The following EPHA4 variants were observed in gnomAD, a reference collection of about 807,000 sequenced individuals.
EPHA4 encodes the protein ephrin type-A receptor 4.
A neutral mutation model predicts 108.3 loss-of-function variants in EPHA4; 19 were observed. The observed-to-expected ratio is 0.18, with a 90% confidence interval of 0.12 to 0.26. The LOEUF is 0.26. Among genes scored for constraint, EPHA4 ranks in the 10% least tolerant of loss-of-function variants. The pLI is 1.00. For synonymous variants in EPHA4, 449 were observed against 455.5 expected, an observed-to-expected ratio of 0.99 and a Z score of 0.18; for missense variants, 917 against 1,254.0, an observed-to-expected ratio of 0.73 and a Z score of 4.06.
chr2:221,568,749 A>C lies in EPHA4; in HGVS notation c.128T>G (p.Leu43Arg). 1.9e-6 allele frequency: 3 copies of C among 1,613,990 alleles called. No individual in the cohort carries two copies. The highest frequency in any genetic ancestry group is 2.5e-6 in the Non-Finnish European group (3 of 1,179,958). The change falls in exon 2 of 18, where the codon CTT becomes CGT. Residue 43 changes from leucine (L) to arginine (R), a missense_variant. Leu to Arg is a moderately radical substitution (Grantham distance 102). Around this residue, in one of 3 missense-constraint regions of EPHA4, gnomAD observed 758 missense variants for 1,076.7 expected, o/e 0.70. Transcript: ENST00000281821. ...TTCCAGAGGGCTTGCTATCCACCCA[A>C]GTTCTCCCTGAACAGATCTGGAATC... ...LLDSRSVQGE[L>R]GWIASPLEGG...
intron 8 of EPHA4, among the ~76,000 whole-genome samples, chr2:221,453,405 C>T (rs1690843465): frequency 6.6e-6 from 1 of 152,036 alleles, no homozygotes; most frequent in Non-Finnish European, 1.5e-5. Context: ...TCCTTGCTTC[C>T]CACCATCAGA....
At chr2:221,431,855 C>A (rs1430228) in intron 14 of EPHA4, among the ~76,000 whole-genome samples, 65,189 of 151,924 alleles carry the variant, frequency 0.43, 14,670 homozygotes, top group East Asian at 0.64. Context: ...TTTTGGGGGG[C>A]AGAGGATTAA....
intron 5 of EPHA4, among the ~76,000 whole-genome samples, chr2:221,471,163 T>G (rs898526177): frequency 2.6e-5 from 4 of 152,152 alleles, no homozygotes; most frequent in Non-Finnish European, 5.9e-5. Flanking sequence ...AGATGACTTT[T>G]GTAGTCATAA....
At chr2:221,484,849 T>G (rs1389358222) in intron 4 of EPHA4, among the ~76,000 whole-genome samples, 1 of 152,224 alleles carries the variant, frequency 6.6e-6, no homozygotes, top group Non-Finnish European at 1.5e-5. Flanking sequence ...TTCCACCATG[T>G]GTTCCTCACT....
At chr2:221,435,520 C>A (rs1038225576) in intron 13 of EPHA4, among the ~76,000 whole-genome samples, 1 of 151,916 alleles carries the variant, frequency 6.6e-6, no homozygotes, top group Non-Finnish European at 1.5e-5. Context: ...CAACAAAAAA[C>A]CCCCATTGCT....
At chr2:221,526,541 G>GT (rs1209075433) in intron 3 of EPHA4, among the ~76,000 whole-genome samples, 1 of 88,874 alleles carries the variant, frequency 1.1e-5, no homozygotes, top group Non-Finnish European at 2.1e-5. Context: ...ACAATCTAGT[G>GT]TAAAAAAAAA....
intron 5 of EPHA4, among the ~76,000 whole-genome samples, chr2:221,468,662 C>T (rs779455331): frequency 2.6e-5 from 4 of 152,198 alleles, no homozygotes; most frequent in Admixed American, 1.3e-4. Flanking sequence ...TAAATCTTTG[C>T]TGTTGCCTTT....
chr2:221,519,420 G>A (rs1035811887), intron 3 of EPHA4, among the ~76,000 whole-genome samples: 1 of 152,272 alleles, frequency 6.6e-6, no homozygotes, highest in East Asian at 1.9e-4. Context: ...TCTGTGGAGT[G>A]GAAAACAGAT....
chr2:221,517,272 A>T (rs889438748), intron 3 of EPHA4, among the ~76,000 whole-genome samples: 2 of 152,216 alleles, frequency 1.3e-5, no homozygotes, highest in African/African-American at 4.8e-5. Flanking sequence ...GAAGGCCTAC[A>T]GTAGGCATGT....
intron 3 of EPHA4, among the ~76,000 whole-genome samples, chr2:221,510,152 T>C (rs1339694576): frequency 3.3e-5 from 5 of 152,216 alleles, no homozygotes; most frequent in African/African-American, 1.2e-4. Flanking sequence ...TGTTTTAAAA[T>C]AAGATTGGAT....
At chr2:221,501,483 A>G (rs976618306) in intron 3 of EPHA4, 3 of 238,444 alleles carry the variant, frequency 1.3e-5, no homozygotes, top group Non-Finnish European at 2.4e-5. Flanking sequence ...CCCTTTATAC[A>G]CATTATGCTG....
At chr2:221,502,041 T>C (rs1559269184) in intron 3 of EPHA4, among the ~76,000 whole-genome samples, 1 of 151,996 alleles carries the variant, frequency 6.6e-6, no homozygotes, top group Non-Finnish European at 1.5e-5. Flanking sequence ...GGCCATATAG[T>C]TTTTTATACA....
intron 5 of EPHA4, among the ~76,000 whole-genome samples, chr2:221,474,649 C>A (rs148790213): frequency 1.3e-5 from 2 of 152,082 alleles, no homozygotes; most frequent in African/African-American, 2.4e-5. Context: ...GCGCAAACAA[C>A]GTTTCAGCAA....
intron 13 of EPHA4, among the ~76,000 whole-genome samples, chr2:221,435,265 C>T (rs1207729429): frequency 6.6e-6 from 1 of 152,168 alleles, no homozygotes; most frequent in African/African-American, 2.4e-5. Flanking sequence ...TTCCCCCCTG[C>T]TTAAATATTT....
At chr2:221,548,010 TA>T (rs1469146491) in intron 3 of EPHA4, among the ~76,000 whole-genome samples, 1 of 152,192 alleles carries the variant, frequency 6.6e-6, no homozygotes, top group African/African-American at 2.4e-5. Flanking sequence ...TATTGAGTGA[TA>T]TAGTTTGGAT....
Position 221,455,507 on chromosome 2 carries a change from G to A in EPHA4, c.1715+40C>T, listed in dbSNP as rs749599611. 1.6e-5 allele frequency: 23 copies of A among 1,467,476 alleles called. 1 individual carries two copies. The Middle Eastern group carries it at 1.0e-3, about 66-fold the overall frequency. 90.9% of individuals were successfully genotyped at this position (1,467,476 alleles called of 1,614,324 possible). ...AGAAAAAAACCATCATAAACACTGG[G>A]AAGGTCGGGGGCTGCACAGTGAGTG... On this transcript the variant is annotated intron_variant, in intron 8 of 17. Transcript: ENST00000281821.
intron 11 of EPHA4, among the ~76,000 whole-genome samples, chr2:221,440,582 A>G (rs1337293073): frequency 6.6e-6 from 1 of 151,348 alleles, no homozygotes; most frequent in Non-Finnish European, 1.5e-5. Context: ...TATGCGGAAA[A>G]TTATATATCC....
chr2:221,490,139 C>A (rs1692096435), intron 4 of EPHA4, among the ~76,000 whole-genome samples: 1 of 109,398 alleles, frequency 9.1e-6, no homozygotes, highest in Admixed American at 9.6e-5. Context: ...AATTGAGACC[C>A]TGTCTCAAAA....
chr2:221,436,464 T>C lies in EPHA4; in HGVS notation c.2281A>G (p.Lys761Glu). Residue 761 changes from lysine to glutamate, a missense_variant, in exon 13 of 18, where the codon AAA becomes GAA. This residue lies in a region of EPHA4 where 758 missense variants were observed against 1,076.7 expected (regional missense o/e 0.70). Coordinates refer to ENST00000281821, the MANE Select transcript of EPHA4 (RefSeq NM_004438.5). ...CGGGACATGCCAAAATCAGACACTT[T>C]GCAGACCAAGTTGCTGTTCACCAGG... ...NILVNSNLVC[K>E]VSDFGMSRVL... 2 of 1,614,168 alleles carry C rather than the reference T, an allele frequency of 1.2e-6. No homozygotes were observed. The highest frequency in any genetic ancestry group is 2.2e-5 in the South Asian group (2 of 91,080).
Sources: gnomAD v4.1 joint callset for allele counts (sites outside exome capture counted in the v4.1 genomes callset) on GRCh38, gnomAD v4.1.1 for gene constraint, gnomAD v4.1.1 regional missense constraint, MANE v1.5 for transcripts, NCBI Gene and HGNC (gene_info 2026-07-23, HGNC 2026-07-21) for gene names.